TMEM163: variants seen among roughly 807,000 people sequenced by gnomAD.
TMEM163 encodes the protein transmembrane protein 163.
Under a neutral mutation model 29.3 loss-of-function variants are expected in TMEM163, and 17 were observed. That is an observed-to-expected ratio of 0.58 (90% CI 0.40 to 0.87). The LOEUF (loss-of-function observed/expected upper bound fraction) is 0.87. Among genes scored for constraint, TMEM163 ranks in the 40% least tolerant of loss-of-function variants. TMEM163 has a pLI of 0.00. For synonymous variants in TMEM163, 157 were observed against 160.6 expected (o/e 0.98, Z 0.17); for missense variants, 303 against 381.5 (o/e 0.79, Z 1.71).
At chr2:134,662,667 G>A (rs11688414) in intron 2 of TMEM163, among the ~76,000 whole-genome samples, 52,788 of 152,040 alleles carry the variant, frequency 0.35, 12,523 homozygotes, top group Non-Finnish European at 0.53. Flanking sequence ...GGGAGGGAGG[G>A]ACTTATGCAA....
chr2:134,465,782 T>G (rs980009785), intron 6 of TMEM163, among the ~76,000 whole-genome samples: 10 of 152,198 alleles, frequency 6.6e-5, no homozygotes, highest in African/African-American at 2.4e-4. Flanking sequence ...AGGCATTTAC[T>G]TTTTATGGGG....
At chr2:134,602,049 T>C (rs928980350) in intron 2 of TMEM163, among the ~76,000 whole-genome samples, 1 of 152,166 alleles carries the variant, frequency 6.6e-6, no homozygotes, top group Non-Finnish European at 1.5e-5. Flanking sequence ...AAAATTAAAA[T>C]GTCACCTGCA....
chr2:134,616,336 C>T (rs1478905715), intron 2 of TMEM163, among the ~76,000 whole-genome samples: 1 of 152,210 alleles, frequency 6.6e-6, no homozygotes. Context: ...TTCTTCTCAT[C>T]AAACAAAGAC....
Position 134,570,495 on chromosome 2 carries a change from T to TACAC in TMEM163, c.323-18405_323-18404insGTGT, listed in dbSNP as rs1681397568. On this transcript the variant is annotated intron_variant, in intron 2 of 7. Coordinates refer to ENST00000281924, the MANE Select transcript of TMEM163 (RefSeq NM_030923.5). ...ATATACATATACATATACATATACA[T>TACAC]ATACATATACATATACATATACATA... 1.5e-5 allele frequency among the ~76,000 whole-genome samples: 2 copies of TACAC among 136,358 alleles called. 1 individual carries two copies. Among genetic ancestry groups the TACAC allele is most frequent in the African/African-American group, 7.4e-5 (2 of 26,976 alleles). The allele number at this position is 136,358 out of a possible 152,430, so 89.5% of individuals were successfully genotyped here. A position where few individuals can be genotyped will look rare whatever the true frequency, so the allele number is the denominator to read the frequency against.
intron 2 of TMEM163, among the ~76,000 whole-genome samples, chr2:134,711,767 C>T (rs565731074): frequency 1.3e-5 from 2 of 152,252 alleles, no homozygotes; most frequent in African/African-American, 2.4e-5. Context: ...GAAAGACTTG[C>T]CCAATATTTC....
At chr2:134,601,614 G>A (rs1216986754) in intron 2 of TMEM163, among the ~76,000 whole-genome samples, 1 of 152,204 alleles carries the variant, frequency 6.6e-6, no homozygotes, top group Non-Finnish European at 1.5e-5. Flanking sequence ...AGGTTTTCTG[G>A]TCTAAGTAAT....
At chr2:134,514,383 C>CTTTT in intron 4 of TMEM163, among the ~76,000 whole-genome samples, 1 of 125,572 alleles carries the variant, frequency 8.0e-6, no homozygotes, top group Non-Finnish European at 1.6e-5. Context: ...TACTGATGAT[C>CTTTT]TTTTTTTTTT....
intron 2 of TMEM163, among the ~76,000 whole-genome samples, chr2:134,569,768 T>C (rs2104783875): frequency 6.6e-6 from 1 of 152,344 alleles, no homozygotes; most frequent in East Asian, 1.9e-4. Flanking sequence ...ATGATTCTAC[T>C]GTCTGCAGTT....
chr2:134,509,783 G>C (rs1170298567), intron 4 of TMEM163, among the ~76,000 whole-genome samples: 1 of 152,214 alleles, frequency 6.6e-6, no homozygotes, highest in Non-Finnish European at 1.5e-5. Flanking sequence ...ACAGAACTAA[G>C]AGTGATAAAA....
chr2:134,551,976 G>T, intron 3 of TMEM163, 72 bp downstream of exon 3: 2 of 1,248,302 alleles, frequency 1.6e-6, no homozygotes, highest in Non-Finnish European at 2.3e-6. Context: ...TCATTTGAGG[G>T]CTCAGGGTGA....
chr2:134,623,845 A>G (rs1165842085), intron 2 of TMEM163, among the ~76,000 whole-genome samples: 1 of 152,218 alleles, frequency 6.6e-6, no homozygotes, highest in Admixed American at 6.5e-5. Flanking sequence ...GCAACAACCT[A>G]ATAGTAAGAA....
chr2:134,499,898 C>G (rs1474620186), intron 5 of TMEM163, among the ~76,000 whole-genome samples: 1 of 152,218 alleles, frequency 6.6e-6, no homozygotes, highest in African/African-American at 2.4e-5. Context: ...TCTGCAGAAG[C>G]AGCAAACTCT....
At chr2:134,690,603 G>A (rs897415330) in intron 2 of TMEM163, among the ~76,000 whole-genome samples, 3 of 152,208 alleles carry the variant, frequency 2.0e-5, no homozygotes, top group Admixed American at 6.5e-5. Context: ...AATTTATAAA[G>A]GAGAAAAGTC....
chr2:134,674,859 A>C (rs965056469), intron 2 of TMEM163, among the ~76,000 whole-genome samples: 1 of 152,198 alleles, frequency 6.6e-6, no homozygotes, highest in Non-Finnish European at 1.5e-5. Context: ...ATCCAACCTC[A>C]GACTGGCACT....
chr2:134,700,070 C>G (rs1326905286), intron 2 of TMEM163, among the ~76,000 whole-genome samples: 1 of 151,946 alleles, frequency 6.6e-6, no homozygotes, highest in Non-Finnish European at 1.5e-5. Flanking sequence ...CTGACTTTTA[C>G]CTGATAGCTT....
At chr2:134,701,916 CAAAAAAA>C (rs71301801) in intron 2 of TMEM163, among the ~76,000 whole-genome samples, 10 of 66,556 alleles carry the variant, frequency 1.5e-4, no homozygotes, top group East Asian at 3.9e-4. Context: ...AAAACTGTCT[CAAAAAAA>C]AAAAAAAAAA....
intron 4 of TMEM163, among the ~76,000 whole-genome samples, chr2:134,524,338 A>ACC (rs1680247856): frequency 7.4e-6 from 1 of 134,236 alleles, no homozygotes; most frequent in Non-Finnish European, 1.6e-5. Context: ...GTTTTTTAAT[A>ACC]TCGATAACAT....
Position 134,552,453 on chromosome 2 carries a change from T to A in TMEM163, c.323-362A>T, listed in dbSNP as rs16830778. Among the ~76,000 whole-genome samples, 1,007 of 152,202 alleles carry A rather than the reference T, an allele frequency of 6.6e-3. 11 individuals are homozygous for A. Among genetic ancestry groups the A allele is most frequent in the African/African-American group, 0.022 (923 of 41,514 alleles). ...CCAACCACCCAAACTGTTCCCATAA[T>A]AAGGTGGTGTGGCTAAGTAAGGCAT... On this transcript the variant is annotated intron_variant, in intron 2 of 7. Transcript: ENST00000281924.
intron 6 of TMEM163, among the ~76,000 whole-genome samples, chr2:134,465,196 A>AAACAAAAAAAC (rs1553471762): frequency 2.1e-5 from 3 of 139,690 alleles, no homozygotes; most frequent in Admixed American, 2.1e-4. Flanking sequence ...CTTTAAAAAA[A>AAACAAAAAAAC]AAAAAAACAA....
Sources: allele counts gnomAD v4.1 joint callset (sites outside exome capture counted in the v4.1 genomes callset), GRCh38; gene constraint gnomAD v4.1.1; transcripts MANE v1.5; gene names NCBI Gene and HGNC (gene_info 2026-07-23, HGNC 2026-07-21).